Variants in LPIN2 observed in about 807,000 individuals in gnomAD.
LPIN2 encodes lipin 2.
Under a neutral mutation model 111.4 loss-of-function variants are expected in LPIN2, and 55 were observed. The ratio of observed to expected loss-of-function variants is 0.49; its 90% confidence interval spans 0.40 to 0.62. The LOEUF (loss-of-function observed/expected upper bound fraction) is 0.62, where lower values mean the gene tolerates loss of function less well. Among genes scored for constraint, LPIN2 ranks in the 20% least tolerant of loss-of-function variants. The pLI is 0.00. For synonymous variants in LPIN2, 425 were observed against 414.0 expected (o/e 1.03, Z -0.32); for missense variants, 992 against 1,112.1 (o/e 0.89, Z 1.54).
chr18:2,943,579 A>G (rs2077399282), intron 4 of LPIN2, among the ~76,000 whole-genome samples: 1 of 152,248 alleles, frequency 6.6e-6, no homozygotes, highest in African/African-American at 2.4e-5. Flanking sequence ...AGCCTCAGAA[A>G]GAAGTATTAA....
Position 2,940,629 on chromosome 18 carries a change from T to A in LPIN2, c.674A>T (p.Asp225Val), listed in dbSNP as rs1299522441. ...CGTCTCTAAAGGGGACCAATCTCCA[T>A]CAGATAAGGGGTAATGATCCCCAGA... ...FHSGDHYPLS[D>V]GDWSPLETTY... Residue 225 changes from aspartate (D) to valine (V), a missense_variant, in exon 5 of 20, where the codon GAT becomes GTT. Around this residue, in one of 4 missense-constraint regions of LPIN2, gnomAD observed 709 missense variants for 753.2 expected, o/e 0.94. Coordinates refer to ENST00000677752, the MANE Select transcript of LPIN2 (RefSeq NM_001375808.2). 1 of 1,611,772 alleles carries A rather than the reference T, an allele frequency of 6.2e-7. No individual in the cohort carries two copies. The highest frequency in any genetic ancestry group is 8.5e-7 in the Non-Finnish European group (1 of 1,178,184).
chr18:2,937,569 AAAG>A (rs2077303399), intron 7 of LPIN2, 120 bp downstream of exon 7: 73 of 706,758 alleles, frequency 1.0e-4, no homozygotes, highest in African/African-American at 8.9e-4. Context: ...AAAAAAAAAA[AAAG>A]TGCGACGGGT....
chr18:2,964,457 G>C (rs1424439108), intron 1 of LPIN2, among the ~76,000 whole-genome samples: 1 of 152,072 alleles, frequency 6.6e-6, no homozygotes, highest in African/African-American at 2.4e-5. Flanking sequence ...AGGTCACATG[G>C]GTGGAGCCTC....
chr18:2,967,993 C>T (rs2077834848), intron 1 of LPIN2, among the ~76,000 whole-genome samples: 1 of 152,168 alleles, frequency 6.6e-6, no homozygotes, highest in Non-Finnish European at 1.5e-5. Context: ...GCTAAGATGG[C>T]CCATGAGAAG....
At chr18:2,977,563 TGCTGGA>T (rs1476916696) in intron 1 of LPIN2, among the ~76,000 whole-genome samples, 1 of 152,148 alleles carries the variant, frequency 6.6e-6, no homozygotes. Context: ...TACAAGATAA[TGCTGGA>T]GCATCTCGTG....
Position 2,951,076 on chromosome 18 carries a change from T to C in LPIN2, c.569A>G (p.Asp190Gly). 6.2e-7 allele frequency: 1 copy of C among 1,614,172 alleles called. No homozygotes were observed. Among genetic ancestry groups the C allele is most frequent in the Non-Finnish European group, 8.5e-7 (1 of 1,180,042 alleles). Residue 190 changes from aspartate (D) to glycine (G), a missense_variant, in exon 4 of 20, where the codon GAC (aspartate) becomes GGC (glycine). By Grantham distance (94) the Asp-to-Gly change is moderately conservative. Coordinates refer to ENST00000677752, the MANE Select transcript of LPIN2 (RefSeq NM_001375808.2). ...TCDVGVSSDD[D>G]KGAQAARGSS... The stretch of plus-strand genomic sequence containing the variant: ...CTACCGTGCTGCCTGGGCCCCCTTG[T>C]CATCATCGGAGCTCACGCCTACATC...
At chr18:2,982,646 G>A (rs2078129331) in intron 1 of LPIN2, 2 of 1,153,670 alleles carry the variant, frequency 1.7e-6, no homozygotes, top group South Asian at 2.6e-5. Flanking sequence ...AGGGAGCAGG[G>A]ACATTGGGAG....
At chr18:2,968,573 G>GA (rs1350983759) in intron 1 of LPIN2, among the ~76,000 whole-genome samples, 24 of 110,632 alleles carry the variant, frequency 2.2e-4, no homozygotes, top group African/African-American at 7.0e-4. Context: ...AACAAAAAGA[G>GA]AAAAAATCTA....
chr18:2,980,942 T>A (rs1567851882), intron 1 of LPIN2, among the ~76,000 whole-genome samples: 2 of 152,182 alleles, frequency 1.3e-5, no homozygotes, highest in South Asian at 2.1e-4. Flanking sequence ...GGACTTCAGG[T>A]TATTTGAATA....
At chr18:2,947,779 A>G (rs746424991) in intron 4 of LPIN2, among the ~76,000 whole-genome samples, 2 of 152,356 alleles carry the variant, frequency 1.3e-5, no homozygotes, top group Non-Finnish European at 2.9e-5. Flanking sequence ...AACGCCACGT[A>G]ATTCCTAGTC....
intron 4 of LPIN2, among the ~76,000 whole-genome samples, chr18:2,941,595 G>A (rs2077367574): frequency 6.6e-6 from 1 of 152,142 alleles, no homozygotes; most frequent in South Asian, 2.1e-4. Context: ...ACATGGTGTA[G>A]CATGTTGAAA....
intron 1 of LPIN2, among the ~76,000 whole-genome samples, chr18:2,980,044 G>C (rs976661321): frequency 6.6e-6 from 1 of 152,220 alleles, no homozygotes; most frequent in Non-Finnish European, 1.5e-5. Flanking sequence ...ACTTAGGGGA[G>C]TTAGGAGGGA....
intron 8 of LPIN2, among the ~76,000 whole-genome samples, chr18:2,933,034 C>A (rs1433760780): frequency 1.3e-5 from 2 of 152,110 alleles, no homozygotes; most frequent in African/African-American, 2.4e-5. Context: ...CAGGATGCCA[C>A]CAAATACAAA....
At chr18:2,928,989 A>C in intron 10 of LPIN2, 76 bp downstream of exon 10, 1 of 960,310 alleles carries the variant, frequency 1.0e-6, no homozygotes, top group Non-Finnish European at 1.7e-6. Context: ...GAACACTTTT[A>C]TAAGTAACAG....
Position 2,925,639 on chromosome 18 carries a change from C to CT in LPIN2, c.1794-272dup, listed in dbSNP as rs2077120077. 6.6e-6 allele frequency among the ~76,000 whole-genome samples: 1 copy of CT among 152,210 alleles called. No individual in the cohort carries two copies. ...TGCCCAGTGAATGCTAGAAGGTCTA[C>CT]TGACTCTTGTTGAAGAGGGTATGTA... On this transcript the variant is annotated intron_variant, in intron 13 of 19. Coordinates refer to ENST00000677752, the MANE Select transcript of LPIN2 (RefSeq NM_001375808.2). This position sits in a 1 kb window ranked among gnomAD's most constrained non-coding sequence, Gnocchi z 4.1.
intron 1 of LPIN2, among the ~76,000 whole-genome samples, chr18:2,988,962 T>TC (rs1182534602): frequency 1.3e-5 from 2 of 152,232 alleles, no homozygotes; most frequent in African/African-American, 4.8e-5. Flanking sequence ...AAAGTATACT[T>TC]CAAGTACAAC....
intron 4 of LPIN2, among the ~76,000 whole-genome samples, chr18:2,949,293 T>A (rs1047460200): frequency 6.6e-6 from 1 of 152,204 alleles, no homozygotes; most frequent in Non-Finnish European, 1.5e-5. Flanking sequence ...TGGGAATCAA[T>A]GATATTTAAA....
chr18:2,943,294 C>T (rs2077393337), intron 4 of LPIN2, among the ~76,000 whole-genome samples: 1 of 151,882 alleles, frequency 6.6e-6, no homozygotes, highest in Non-Finnish European at 1.5e-5. Context: ...CTAACGGTAA[C>T]TGTGTCCCTT....
chr18:2,920,876 G>C lies in LPIN2; in HGVS notation c.2448C>G (p.Val816=), dbSNP rs1322988508. 2 of 1,609,668 alleles carry C rather than the reference G, an allele frequency of 1.2e-6. No individual in the cohort carries two copies. The highest frequency in any genetic ancestry group is 1.7e-6 in the Non-Finnish European group (2 of 1,175,906). Residue 816 remains valine, a synonymous_variant, in exon 19 of 20, where the codon GTC becomes GTG. Transcript: ENST00000677752. ...YAAFGNRPND[V]YAYTQVGVPD... Reference sequence around the variant, plus strand: ...GAACTCCAACTTGTGTGTAGGCATAGACATCCTGCAGAAGAAAATAGCAAG... The same window carrying C: ...GAACTCCAACTTGTGTGTAGGCATACACATCCTGCAGAAGAAAATAGCAAG...
Sources: gnomAD v4.1 joint callset for allele counts (sites outside exome capture counted in the v4.1 genomes callset) on GRCh38, gnomAD v4.1.1 for gene constraint, gnomAD v4.1.1 regional missense constraint, Gnocchi (gnomAD v3.1) non-coding constraint, MANE v1.5 for transcripts, NCBI Gene and HGNC (gene_info 2026-07-23, HGNC 2026-07-21) for gene names.